The following HCST variants were observed in gnomAD, a reference collection of about 807,000 sequenced individuals.
HCST encodes DNAX-activation protein 10.
Under a neutral mutation model 10.8 loss-of-function variants are expected in HCST, and 12 were observed. The observed-to-expected ratio is 1.12, with a 90% CI of 0.72 to 1.81. The LOEUF (loss-of-function observed/expected upper bound fraction) is 1.81. Ranked by LOEUF, HCST falls within the 40% of genes most tolerant of loss-of-function variation. The pLI is 0.00. For synonymous variants in HCST, 59 were observed against 51.6 expected (o/e 1.14, Z -0.61); for missense variants, 102 against 117.9 (o/e 0.87, Z 0.62).
chr19:35,904,025 G>C, intron 3 of HCST, 95 bp from the exon 4 acceptor site: 1 of 1,590,736 alleles, frequency 6.3e-7, no homozygotes, highest in Non-Finnish European at 8.6e-7. Context: ...GGAGGTGCCT[G>C]GGGGAACCCC....
chr19:35,903,926 C>A, intron 3 of HCST, 23 bp downstream of exon 3: 3 of 1,604,164 alleles, frequency 1.9e-6, no homozygotes, highest in Non-Finnish European at 2.5e-6. Flanking sequence ...ATGGGCGGGG[C>A]CTGGAAGGTG....
intron 1 of HCST, chr19:35,903,025 C>A: frequency 2.3e-6 from 1 of 436,640 alleles, no homozygotes; most frequent in South Asian, 2.3e-5. Flanking sequence ...GGGTCTTGCT[C>A]TGTTGTCCAG....
chr19:35,902,704 C>A, intron 1 of HCST, 68 bp downstream of exon 1: 1 of 1,494,890 alleles, frequency 6.7e-7, no homozygotes, highest in Non-Finnish European at 9.3e-7. Context: ...GTGACGTCTG[C>A]AGGGACGGGT....
chr19:35,904,371 C>G lies in HCST; in HGVS notation c.*211C>G, dbSNP rs1326337374. On this transcript the variant is annotated 3_prime_UTR_variant, in exon 4 of 4. Transcript: ENST00000246551. The stretch of plus-strand genomic sequence containing the variant: ...GCCCCCTCAGAACCCCCACATGTCC[C>G]CATCCCATCAGCCCAAGGATCTGGC... 5 of 801,374 alleles carry G rather than the reference C, an allele frequency of 6.2e-6. No individual in the cohort carries two copies. Among genetic ancestry groups the G allele is most frequent in the African/African-American group, 1.7e-5 (1 of 58,782 alleles). 49.6% of individuals were successfully genotyped at this position (801,374 alleles called of 1,614,324 possible).
chr19:35,903,787 G>C lies in HCST; in HGVS notation c.125G>C (p.Cys42Ser), dbSNP rs748000900. ...CACTCTCCAGGCTCTTGTTCCGGAT[G>C]TGGGTCCCTCTCTCTGCCGCTCCTG... ...YPGTSGSCSG[C>S]GSLSLPLLAG... Residue 42 changes from cysteine to serine, a missense_variant, in exon 3 of 4, where the codon TGT becomes TCT. Physicochemically the swap from Cys to Ser is moderately radical, Grantham distance 112. Coordinates refer to ENST00000246551, the MANE Select transcript of HCST (RefSeq NM_014266.4). 6.2e-7 allele frequency: 1 copy of C among 1,614,006 alleles called. No individual in the cohort carries two copies. Among genetic ancestry groups the C allele is most frequent in the African/African-American group, 1.3e-5 (1 of 74,948 alleles).
rs536334516 is a variant in HCST at position 35,903,965 on chromosome 19, G to A, written c.241+62G>A. 7.6e-6 allele frequency: 12 copies of A among 1,578,796 alleles called. No homozygotes were observed. In the Admixed American group the frequency reaches 1.6e-4, roughly 21 times the overall value. On this transcript the variant is annotated intron_variant, in intron 3 of 3. Transcript: ENST00000246551. Reference sequence around the variant, plus strand: ...AGTGTCCCTAGGGAGGGGGTCCCAGGGAGGGGGCCCTTGGGGAAGCCCTGG... The same window carrying A: ...AGTGTCCCTAGGGAGGGGGTCCCAGAGAGGGGGCCCTTGGGGAAGCCCTGG...
At position 35,904,220 on chromosome 19, in the gene HCST, C is replaced by A; in HGVS notation, c.*60C>A. 1 of 1,528,102 alleles carries A rather than the reference C, an allele frequency of 6.5e-7. No homozygotes were observed. The highest frequency in any genetic ancestry group is 9.0e-7 in the Non-Finnish European group (1 of 1,104,994). The allele number at this position is 1,528,102 out of a possible 1,614,324, so 94.7% of individuals were successfully genotyped here. ...TCTCATCCTGGATGGTGTGTGGTGGCACAGGAACCCCCGCCCCAACTTTTG... is the reference window on the plus strand; with the variant it reads ...TCTCATCCTGGATGGTGTGTGGTGGAACAGGAACCCCCGCCCCAACTTTTG... On this transcript the variant is annotated 3_prime_UTR_variant, in exon 4 of 4. Transcript: ENST00000246551.
At chr19:35,903,553 C>A (rs1182217879) in intron 2 of HCST, 137 bp downstream of exon 2, 2 of 1,049,380 alleles carry the variant, frequency 1.9e-6, no homozygotes, top group Non-Finnish European at 2.9e-6. Context: ...CGACCCCCAG[C>A]CTGTGTTCAG....
intron 1 of HCST, 162 bp downstream of exon 1, chr19:35,902,798 AGG>A (rs1298719472): frequency 1.4e-6 from 1 of 700,982 alleles, no homozygotes; most frequent in African/African-American, 1.8e-5. Context: ...TGGGGGCGGA[AGG>A]GGGTGAGACA....
At position 35,904,278 on chromosome 19, in the gene HCST, C is replaced by T. The variant is rs572118598; in HGVS notation, c.*118C>T. 4.3e-5 allele frequency: 47 copies of T among 1,105,662 alleles called. No homozygotes were observed. Among genetic ancestry groups the T allele is most frequent in the African/African-American group, 3.1e-4 (20 of 64,382 alleles). 68.5% of individuals were successfully genotyped at this position (1,105,662 alleles called of 1,614,324 possible). ...ATAAAACAATTGAAACACCTGTAGTCGTATTCTTTCTCAAAGAACCCCAGA... is the reference window on the plus strand; with the variant it reads ...ATAAAACAATTGAAACACCTGTAGTTGTATTCTTTCTCAAAGAACCCCAGA... On this transcript the variant is annotated 3_prime_UTR_variant, in exon 4 of 4. Transcript: ENST00000246551.
Position 35,903,837 on chromosome 19 carries a change from G to A in HCST, c.175G>A (p.Val59Met), listed in dbSNP as rs1347107645. The A allele has an allele frequency of 6.2e-7, 1 of 1,613,800 alleles. No homozygotes were observed. Among genetic ancestry groups the A allele is most frequent in the Non-Finnish European group, 8.5e-7 (1 of 1,180,002 alleles). The change falls in exon 3 of 4, where the codon GTG (valine) becomes ATG (methionine). Residue 59 changes from valine (V) to methionine (M), a missense_variant. By Grantham distance (21) the Val-to-Met change is conservative. Coordinates refer to ENST00000246551, the MANE Select transcript of HCST (RefSeq NM_014266.4). ...GGCAGGCCTCGTGGCTGCTGATGCG[G>A]TGGCATCGCTGCTCATCGTGGGGGC... ...LLAGLVAADAVASLLIVGAVF... is the reference protein window; with the variant it reads ...LLAGLVAADAMASLLIVGAVF...
chr19:35,903,611 C>G, intron 2 of HCST, 161 bp from the exon 3 acceptor site: 1 of 1,146,870 alleles, frequency 8.7e-7, no homozygotes, highest in South Asian at 1.4e-5. Flanking sequence ...CTGGGACACC[C>G]CAGCCTCTCT....
In HCST at chr19:35,904,144, T is replaced by C; in HGVS notation, c.266T>C (p.Met89Thr). The C allele has an allele frequency of 3.1e-6, 5 of 1,614,148 alleles. No homozygotes were observed. The highest frequency in any genetic ancestry group is 3.4e-6 in the Non-Finnish European group (4 of 1,179,992). ...AQEDGKVYIN[M>T]PGRG ...GAAGATGGCAAAGTCTACATCAACA[T>C]GCCAGGCAGGGGCTGACCCTCCTGC... The change falls in exon 4 of 4, where the codon ATG becomes ACG. Residue 89 changes from methionine to threonine, a missense_variant. Transcript: ENST00000246551.
At chr19:35,903,688 G>C in intron 2 of HCST, 84 bp from the exon 3 acceptor site, 1 of 1,599,126 alleles carries the variant, frequency 6.3e-7, no homozygotes, top group South Asian at 1.1e-5. Context: ...CCCTCGCAGG[G>C]GACTTCCTCT....
In HCST at chr19:35,904,230, C is replaced by T. The variant is rs1396300965; in HGVS notation, c.*70C>T. 3 of 1,472,386 alleles carry T rather than the reference C, an allele frequency of 2.0e-6. No homozygotes were observed. Among genetic ancestry groups the T allele is most frequent in the Admixed American group, 3.5e-5 (2 of 56,790 alleles). 91.2% of individuals were successfully genotyped at this position (1,472,386 alleles called of 1,614,324 possible). ...GATGGTGTGTGGTGGCACAGGAACC[C>T]CCGCCCCAACTTTTGGATTGTAATA... On this transcript the variant is annotated 3_prime_UTR_variant, in exon 4 of 4. Coordinates refer to ENST00000246551, the MANE Select transcript of HCST (RefSeq NM_014266.4).
chr19:35,903,938 A>G (rs761226731), intron 3 of HCST, 35 bp downstream of exon 3: 24 of 1,596,930 alleles, frequency 1.5e-5, no homozygotes, highest in Middle Eastern at 4.1e-4. Context: ...TGGAAGGTGT[A>G]TAGTGTCCCT....
chr19:35,903,755 C>G lies in HCST; in HGVS notation c.110-17C>G, dbSNP rs371541308. ...CAGAGCTTGAGTTGTCTCCCTGTTC[C>G]GGCCCCCACTCTCCAGGCTCTTGTT... On this transcript the variant is annotated splice_polypyrimidine_tract_variant and intron_variant, in intron 2 of 3. Coordinates refer to ENST00000246551, the MANE Select transcript of HCST (RefSeq NM_014266.4). The G allele has an allele frequency of 6.2e-6, 10 of 1,613,912 alleles. No individual in the cohort carries two copies. The highest frequency in any genetic ancestry group is 8.5e-6 in the Non-Finnish European group (10 of 1,180,020).
chr19:35,903,879 C>T lies in HCST; in HGVS notation c.217C>T (p.Arg73Cys), dbSNP rs1599636909. The change falls in exon 3 of 4, where the codon CGC (arginine) becomes TGC (cysteine). Residue 73 changes from arginine to cysteine, a missense_variant. Physicochemically the swap from Arg to Cys is radical, Grantham distance 180. Coordinates refer to ENST00000246551, the MANE Select transcript of HCST (RefSeq NM_014266.4). ...CGTGGGGGCGGTGTTCCTGTGCGCA[C>T]GCCCACGCCGCAGCCCCGCCCAAGG... is the stretch of plus-strand genomic sequence containing the variant. The part of the protein sequence containing the change: ...LIVGAVFLCA[R>C]PRRSPAQEDG... 2 of 1,612,192 alleles carry T rather than the reference C, an allele frequency of 1.2e-6. No homozygotes were observed. The highest frequency in any genetic ancestry group is 1.7e-6 in the Non-Finnish European group (2 of 1,179,562).
intron 3 of HCST, 105 bp from the exon 4 acceptor site, chr19:35,904,015 G>A: frequency 6.3e-7 from 1 of 1,587,826 alleles, no homozygotes. Flanking sequence ...AAACCCTGGG[G>A]GAGGTGCCTG....
Sources: allele counts gnomAD v4.1 joint callset, GRCh38; gene constraint gnomAD v4.1.1; transcripts MANE v1.5; gene names NCBI Gene and HGNC (gene_info 2026-07-23, HGNC 2026-07-21).